Variants in ADAMTS20 observed in about 807,000 individuals in gnomAD.
ADAMTS20 encodes the protein ADAM metallopeptidase with thrombospondin type 1 motif 20.
A neutral mutation model predicts 260.1 loss-of-function variants in ADAMTS20; 225 were observed. That is an observed-to-expected ratio of 0.87 (90% CI 0.78 to 0.97). The LOEUF (loss-of-function observed/expected upper bound fraction) is 0.97, where lower values mean the gene tolerates loss of function less well. ADAMTS20 is among the 50% of genes least tolerant of loss of function. The pLI, the probability that ADAMTS20 is intolerant of heterozygous loss-of-function variation, is 0.00. For synonymous variants in ADAMTS20, 802 were observed against 769.5 expected, an observed-to-expected ratio of 1.04 and a Z score of -0.70; for missense variants, 2,400 against 2,337.7, an observed-to-expected ratio of 1.03 and a Z score of -0.55.
chr12:43,430,118 G>A (rs978754482), intron 23 of ADAMTS20, among the ~76,000 whole-genome samples: 1 of 150,428 alleles, frequency 6.6e-6, no homozygotes, highest in Non-Finnish European at 1.5e-5. Flanking sequence ...CAAGTTAAAT[G>A]AGTGAGCCCT....
intron 29 of ADAMTS20, among the ~76,000 whole-genome samples, chr12:43,397,821 C>T (rs1284320195): frequency 2.0e-5 from 3 of 152,042 alleles, no homozygotes; most frequent in African/African-American, 7.2e-5. Flanking sequence ...GACCACAAGC[C>T]CCAGCACATT....
chr12:43,505,946 T>A (rs1057038883), intron 3 of ADAMTS20, among the ~76,000 whole-genome samples: 14 of 152,170 alleles, frequency 9.2e-5, no homozygotes, highest in Admixed American at 5.9e-4. Flanking sequence ...ACACATACAA[T>A]GAAATATTAT....
At position 43,383,489 on chromosome 12, in the gene ADAMTS20, T is replaced by C. The variant is rs1940398414; in HGVS notation, c.4797+69A>G. 2.0e-6 allele frequency: 3 copies of C among 1,465,398 alleles called. No individual in the cohort carries two copies. In the African/African-American group the frequency reaches 4.2e-5, roughly 21 times the overall value. 90.8% of individuals were successfully genotyped at this position (1,465,398 alleles called of 1,614,324 possible). A position where few individuals can be genotyped will look rare whatever the true frequency, so the allele number is the denominator to read the frequency against. On this transcript the variant is annotated intron_variant, in intron 31 of 38. Transcript: ENST00000389420. ...TTCAAATTTTATACCCAGTTTCAGC[T>C]GTGTCAAATTGTAGATCCAGCTGTT... is the stretch of plus-strand genomic sequence containing the variant.
At chr12:43,516,187 C>T (rs1592106181) in intron 3 of ADAMTS20, among the ~76,000 whole-genome samples, 1 of 152,270 alleles carries the variant, frequency 6.6e-6, no homozygotes, top group Middle Eastern at 3.4e-3. Flanking sequence ...CAACATATGA[C>T]CTTTACAAAT....
Position 43,551,896 on chromosome 12 carries a change from C to G in ADAMTS20, c.26G>C (p.Gly9Ala), listed in dbSNP as rs1227027860. 1 of 1,613,692 alleles carries G rather than the reference C, an allele frequency of 6.2e-7. No homozygotes were observed. The highest frequency in any genetic ancestry group is 1.7e-5 in the Admixed American group (1 of 60,034). The change falls in exon 1 of 39, where the codon GGG (glycine) becomes GCG (alanine). Residue 9 changes from glycine to alanine, a missense_variant. Physicochemically the swap from Gly to Ala is moderately conservative, Grantham distance 60 (BLOSUM62 0). Transcript: ENST00000389420. The surrounding 1 kb of genome is among the most constrained non-coding windows in gnomAD (Gnocchi z 4.6). Reference sequence around the variant, plus strand: ...GAAGAGCGAGAGATGGTAGAGCAGCCCAGTCAGCCACTTGGCCACCCACAT... The same window carrying G: ...GAAGAGCGAGAGATGGTAGAGCAGCGCAGTCAGCCACTTGGCCACCCACAT... MWVAKWLT[G>A]LLYHLSLFIT...
At position 43,376,312 on chromosome 12, in the gene ADAMTS20, C is replaced by A. The variant is rs1181595644; in HGVS notation, c.5144G>T (p.Cys1715Phe). 4 of 1,552,694 alleles carry A rather than the reference C, an allele frequency of 2.6e-6. No homozygotes were observed. Among genetic ancestry groups the A allele is most frequent in the Non-Finnish European group, 3.5e-6 (4 of 1,147,158 alleles). ...GTGGTTTTTCACTTGAATTTCTTTG[C>A]AGGTGGTAAATGATTTACCTTCAAA... is the stretch of plus-strand genomic sequence containing the variant. ...YANDCKSFTT[C>F]KEIQVKNHIR... Residue 1715 changes from cysteine (C) to phenylalanine (F), a missense_variant, in exon 34 of 39, where the codon TGC becomes TTC. Physicochemically the swap from Cys to Phe is radical, Grantham distance 205 (BLOSUM62 -2). Coordinates refer to ENST00000389420, the MANE Select transcript of ADAMTS20 (RefSeq NM_025003.5).
intron 7 of ADAMTS20, among the ~76,000 whole-genome samples, chr12:43,485,181 C>T (rs1942504987): frequency 6.7e-6 from 1 of 149,600 alleles, no homozygotes; most frequent in Non-Finnish European, 1.5e-5. Flanking sequence ...AAATCCTCAA[C>T]AAAATACTAG....
rs140361173 is a variant in ADAMTS20 at position 43,423,949 on chromosome 12, T to A, written c.4284+1565A>T. 7 of 701,328 alleles carry A rather than the reference T, an allele frequency of 1.0e-5. No homozygotes were observed. In the East Asian group the frequency reaches 1.9e-4, roughly 19 times the overall value. The allele number at this position is 701,328 out of a possible 1,614,324, so 43.4% of individuals were successfully genotyped here. ...CCTATAAAGTTAAAATGTTCTGTTG[T>A]TTAATATCATCAGTCACACTTTGAC... On this transcript the variant is annotated intron_variant, in intron 28 of 38. Coordinates refer to ENST00000389420, the MANE Select transcript of ADAMTS20 (RefSeq NM_025003.5).
intron 23 of ADAMTS20, 98 bp downstream of exon 23, chr12:43,430,254 G>A (rs1941414870): frequency 7.1e-7 from 1 of 1,406,486 alleles, no homozygotes; most frequent in Middle Eastern, 1.9e-4. Flanking sequence ...AGGCATACAA[G>A]TTTAAGTGGA....
chr12:43,369,088 A>G (rs569720887), intron 37 of ADAMTS20, among the ~76,000 whole-genome samples: 67 of 152,268 alleles, frequency 4.4e-4, no homozygotes, highest in African/African-American at 1.5e-3. Flanking sequence ...AATTATTGTT[A>G]TGCCTTTTAA....
chr12:43,512,411 G>A (rs568073771), intron 3 of ADAMTS20, among the ~76,000 whole-genome samples: 6 of 150,886 alleles, frequency 4.0e-5, no homozygotes, highest in Non-Finnish European at 7.4e-5. Flanking sequence ...ACTGCCTATT[G>A]TAATATAACT....
At chr12:43,501,710 A>G (rs972022129) in intron 4 of ADAMTS20, among the ~76,000 whole-genome samples, 2 of 152,130 alleles carry the variant, frequency 1.3e-5, no homozygotes, top group African/African-American at 4.8e-5. Context: ...CCATAAATAC[A>G]TGTATAACTT....
chr12:43,515,408 A>G (rs1942984099), intron 3 of ADAMTS20, among the ~76,000 whole-genome samples: 1 of 152,202 alleles, frequency 6.6e-6, no homozygotes, highest in Non-Finnish European at 1.5e-5. Flanking sequence ...CATAATTCAG[A>G]TATCTAAGAT....
rs987351815 is a variant in ADAMTS20, at chr12:43,505,106, A to C, written c.614-2701T>G. On this transcript the variant is annotated intron_variant, in intron 3 of 38. Transcript: ENST00000389420. Reference sequence around the variant, plus strand: ...GTATATGATCAAATGATTTTTGACAAGAGTGCCAAGACCACTCAATATAGA... The same window carrying C: ...GTATATGATCAAATGATTTTTGACACGAGTGCCAAGACCACTCAATATAGA... 2.0e-5 allele frequency among the ~76,000 whole-genome samples: 3 copies of C among 152,314 alleles called. No homozygotes were observed. In the East Asian group the frequency reaches 5.8e-4, roughly 29 times the overall value.
Position 43,428,238 on chromosome 12 carries a change from T to C in ADAMTS20, c.3945+3A>G. On this transcript the variant is annotated splice_donor_region_variant and intron_variant, in intron 26 of 38. Transcript: ENST00000389420. ...TTAATATAACTCAATAAAGATGGCT[T>C]ACTGATCCCCATGGTCCGGTTCTCC... is the stretch of plus-strand genomic sequence containing the variant. The C allele has an allele frequency of 6.2e-7, 1 of 1,613,088 alleles. No homozygotes were observed. Among genetic ancestry groups the C allele is most frequent in the Non-Finnish European group, 8.5e-7 (1 of 1,179,342 alleles).
chr12:43,356,437 T>C, intron 38 of ADAMTS20, 47 bp downstream of exon 38: 1 of 1,264,744 alleles, frequency 7.9e-7, no homozygotes, highest in Non-Finnish European at 1.1e-6. Flanking sequence ...TGCTAGTTCA[T>C]AGCTCAGAAG....
chr12:43,365,813 T>C (rs1939971336), intron 37 of ADAMTS20, among the ~76,000 whole-genome samples: 1 of 151,944 alleles, frequency 6.6e-6, no homozygotes, highest in Admixed American at 6.6e-5. Flanking sequence ...GAGAGGAATG[T>C]TCAATAGTAA....
In ADAMTS20 at chr12:43,551,412, C is replaced by CAA. The variant is rs1943514817; in HGVS notation, c.92-143_92-142insTT. On this transcript the variant is annotated intron_variant, in intron 1 of 38. Coordinates refer to ENST00000389420, the MANE Select transcript of ADAMTS20 (RefSeq NM_025003.5). This position sits in a 1 kb window ranked among gnomAD's most constrained non-coding sequence, Gnocchi z 4.6. ...AGACAAATGCACACATGCTGATGCG[C>CAA]ACGCACACACACACACGTGCACTGG... The CAA allele has an allele frequency of 8.3e-7, 1 of 1,206,168 alleles. No homozygotes were observed. The highest frequency in any genetic ancestry group is 1.1e-6 in the Non-Finnish European group (1 of 884,818). The allele number at this position is 1,206,168 out of a possible 1,614,324, so 74.7% of individuals were successfully genotyped here.
At chr12:43,499,607 C>T (rs1252666913) in intron 4 of ADAMTS20, among the ~76,000 whole-genome samples, 3 of 151,356 alleles carry the variant, frequency 2.0e-5, no homozygotes, top group Non-Finnish European at 4.4e-5. Context: ...CAGGTTCAAG[C>T]AATTCTCCTG....
Sources: gnomAD v4.1 joint callset for allele counts (sites outside exome capture counted in the v4.1 genomes callset) on GRCh38, gnomAD v4.1.1 for gene constraint, Gnocchi (gnomAD v3.1) non-coding constraint, MANE v1.5 for transcripts, NCBI Gene and HGNC (gene_info 2026-07-23, HGNC 2026-07-21) for gene names.